Variants in ARL2BP observed in about 807,000 individuals in gnomAD.
ARL2BP encodes the protein ARF like GTPase 2 binding protein.
A neutral mutation model predicts 24.2 loss-of-function variants in ARL2BP; 19 were observed. The ratio of observed to expected loss-of-function variants is 0.79; its 90% CI spans 0.55 to 1.15. ARL2BP has a LOEUF of 1.15. Ranked by LOEUF, ARL2BP falls within the 50% of genes most tolerant of loss-of-function variation. The pLI is 0.00. For missense variants in ARL2BP, 160 were observed against 190.4 expected (o/e 0.84, Z 0.94); for synonymous variants, 56 against 70.5 (o/e 0.79, Z 1.03).
chr16:57,245,269 C>G lies in ARL2BP; in HGVS notation c.-99C>G. The stretch of plus-strand genomic sequence containing the variant: ...CTGACCCGACCTGGCAGTGAGCTGG[C>G]CGCGGCCTTGGCTGAGAGGCCTTAA... On this transcript the variant is annotated 5_prime_UTR_variant, in exon 1 of 6. Coordinates refer to ENST00000219204, the MANE Select transcript of ARL2BP (RefSeq NM_012106.4). The G allele has an allele frequency of 6.9e-7, 1 of 1,440,198 alleles. No individual in the cohort carries two copies. The allele number at this position is 1,440,198 out of a possible 1,614,324, so 89.2% of individuals were successfully genotyped here.
Position 57,250,427 on chromosome 16 carries a change from G to A in ARL2BP, c.310G>A (p.Val104Met). The A allele has an allele frequency of 6.2e-7, 1 of 1,614,194 alleles. No individual in the cohort carries two copies. The highest frequency in any genetic ancestry group is 8.5e-7 in the Non-Finnish European group (1 of 1,180,012). The stretch of plus-strand genomic sequence containing the variant: ...CGTTTGCAGGCACCATAAGGATGAA[G>A]TGGCTGGTGACATATTCGACATGCT... The part of the protein sequence containing the change: ...TTTLQHHKDE[V>M]AGDIFDMLLT... Residue 104 changes from valine (V) to methionine (M), a missense_variant, in exon 5 of 6, where the codon GTG becomes ATG. Val to Met is a conservative substitution (Grantham distance 21). Transcript: ENST00000219204.
rs189864695 is a variant in ARL2BP, at chr16:57,248,671, G to T, written c.207+28G>T. On this transcript the variant is annotated intron_variant, in intron 3 of 5. Coordinates refer to ENST00000219204, the MANE Select transcript of ARL2BP (RefSeq NM_012106.4). ...AAGTAGATTTCTATGTCTCCTACCA[G>T]GAGGTCAGAGTTTTTAAAAATTTAA... The T allele has an allele frequency of 9.6e-5, 130 of 1,357,946 alleles. 1 individual carries two copies. In the East Asian group the frequency reaches 2.6e-3, roughly 27 times the overall value. The allele number at this position is 1,357,946 out of a possible 1,614,324, so 84.1% of individuals were successfully genotyped here.
chr16:57,251,384 G>A (rs554870139), intron 5 of ARL2BP: 1 of 151,638 alleles, frequency 6.6e-6, no homozygotes, highest in Non-Finnish European at 1.5e-5. Context: ...CTGGGTGACA[G>A]AGTCAGACCC....
intron 4 of ARL2BP, chr16:57,250,106 T>C (rs2075402692): frequency 8.4e-6 from 5 of 594,260 alleles, no homozygotes; most frequent in Non-Finnish European, 1.5e-5. Context: ...CCAGCCTGGG[T>C]GACATAGTGA....
At chr16:57,249,930 C>A in intron 4 of ARL2BP, 78 bp downstream of exon 4, 1 of 1,362,554 alleles carries the variant, frequency 7.3e-7, no homozygotes, top group Non-Finnish European at 1.0e-6. Context: ...CCAAAAGACG[C>A]TCCTTGTTTG....
Position 57,252,649 on chromosome 16 carries a change from A to G in ARL2BP, c.*382A>G, listed in dbSNP as rs2075412127. ...CTCTGTTCCAGCAGGCTCTGCATGA[A>G]TCTTTGTGCACTTGCACCTCTTTTT... On this transcript the variant is annotated 3_prime_UTR_variant, in exon 6 of 6. Transcript: ENST00000219204. 2.0e-5 allele frequency: 5 copies of G among 250,284 alleles called. No homozygotes were observed. The South Asian group carries it at 2.5e-4, about 13-fold the overall frequency. 15.5% of individuals were successfully genotyped at this position (250,284 alleles called of 1,614,324 possible). A position where few individuals can be genotyped will look rare whatever the true frequency, so the allele number is the denominator to read the frequency against.
intron 2 of ARL2BP, among the ~76,000 whole-genome samples, chr16:57,246,791 G>C (rs1221482857): frequency 2.0e-5 from 3 of 152,174 alleles, no homozygotes; most frequent in Non-Finnish European, 4.4e-5. Flanking sequence ...GCGACAGAGC[G>C]AGACTCCGTC....
chr16:57,246,599 A>G (rs1009576061), intron 2 of ARL2BP, among the ~76,000 whole-genome samples: 4 of 152,080 alleles, frequency 2.6e-5, no homozygotes, highest in Non-Finnish European at 4.4e-5. Context: ...TCAGGAGATC[A>G]AGACCATCCT....
Position 57,245,268 on chromosome 16 carries a change from G to A in ARL2BP, c.-100G>A, listed in dbSNP as rs1207992482. The A allele has an allele frequency of 7.0e-7, 1 of 1,436,068 alleles. No homozygotes were observed. 89.0% of individuals were successfully genotyped at this position (1,436,068 alleles called of 1,614,324 possible). ...GCTGACCCGACCTGGCAGTGAGCTG[G>A]CCGCGGCCTTGGCTGAGAGGCCTTA... On this transcript the variant is annotated 5_prime_UTR_variant, in exon 1 of 6. Coordinates refer to ENST00000219204, the MANE Select transcript of ARL2BP (RefSeq NM_012106.4).
chr16:57,251,808 TAAAAA>T, intron 5 of ARL2BP: 2 of 181,146 alleles, frequency 1.1e-5, no homozygotes, highest in Admixed American at 1.1e-4. Flanking sequence ...AAAATAAAAA[TAAAAA>T]AGTTAGTCAG....
chr16:57,249,879 G>A, intron 4 of ARL2BP, 27 bp downstream of exon 4: 2 of 1,601,824 alleles, frequency 1.2e-6, no homozygotes, highest in Non-Finnish European at 1.7e-6. Context: ...TGATTTTTGT[G>A]TTTTGTTTTG....
chr16:57,248,472 A>G, intron 2 of ARL2BP, 65 bp from the exon 3 acceptor site: 1 of 970,468 alleles, frequency 1.0e-6, no homozygotes, highest in Non-Finnish European at 1.6e-6. Context: ...GATCCTGCCT[A>G]CTTATAAATC....
At chr16:57,250,630 A>G (rs1190756086) in intron 5 of ARL2BP, 123 bp downstream of exon 5, 6 of 740,146 alleles carry the variant, frequency 8.1e-6, no homozygotes, top group Admixed American at 6.4e-5. Flanking sequence ...CCGATGAGGC[A>G]TCAGAAGAGT....
In ARL2BP at chr16:57,246,143, TA is replaced by T; in HGVS notation, c.100+4del. On this transcript the variant is annotated splice_donor_region_variant and intron_variant, in intron 2 of 5. Transcript: ENST00000219204. Reference sequence around the variant, plus strand: ...GATATTTAGAGGACATTATCATGGGTAAGCTTTTAAGATACTGTTTTTAAGG... The same window carrying T: ...GATATTTAGAGGACATTATCATGGGTAGCTTTTAAGATACTGTTTTTAAGG... 6.2e-7 allele frequency: 1 copy of T among 1,613,156 alleles called. No individual in the cohort carries two copies. The highest frequency in any genetic ancestry group is 2.2e-5 in the East Asian group (1 of 44,878).
chr16:57,250,327 T>C lies in ARL2BP; in HGVS notation c.294-84T>C, dbSNP rs2075403332. On this transcript the variant is annotated intron_variant, in intron 4 of 5. Coordinates refer to ENST00000219204, the MANE Select transcript of ARL2BP (RefSeq NM_012106.4). ...ACAAAAATAATGCGGGGGGTGGGGC[T>C]GGGGTGGTGGAAAGAAAAACGAAAG... 1.3e-5 allele frequency: 16 copies of C among 1,190,826 alleles called. No homozygotes were observed. The South Asian group carries it at 2.0e-4, about 15-fold the overall frequency. 73.8% of individuals were successfully genotyped at this position (1,190,826 alleles called of 1,614,324 possible).
chr16:57,252,246 C>T lies in ARL2BP; in HGVS notation c.471C>T (p.Ser157=). Residue 157 remains serine, a synonymous_variant, in exon 6 of 6, where the codon TCC becomes TCT. Transcript: ENST00000219204. ...SLCKSSSLPA[S]QNNLRH The stretch of plus-strand genomic sequence containing the variant: ...GCAAATCATCTTCTCTGCCAGCTTC[C>T]CAGAACAATCTGCGGCACTAGGTCC... 6.2e-7 allele frequency: 1 copy of T among 1,614,138 alleles called. No individual in the cohort carries two copies. The highest frequency in any genetic ancestry group is 8.5e-7 in the Non-Finnish European group (1 of 1,180,012).
rs556681022 is a variant in ARL2BP, at chr16:57,245,682, A to G, written c.38+277A>G. On this transcript the variant is annotated intron_variant, in intron 1 of 5. Transcript: ENST00000219204. ...CAGCCGCCAACCCTCAGCTGTCAGC[A>G]AAGCCTGGAGGGGTTGAGCGCCCGA... The G allele has an allele frequency of 1.6e-3, 870 of 550,934 alleles. 8 individuals carry two copies. The highest frequency in any genetic ancestry group is 0.015 in the African/African-American group (784 of 52,140). The allele number at this position is 550,934 out of a possible 1,614,324, so 34.1% of individuals were successfully genotyped here.
chr16:57,249,877 GTGTTT>G (rs747795838), intron 4 of ARL2BP, 25 bp downstream of exon 4: 25 of 1,609,786 alleles, frequency 1.6e-5, no homozygotes, highest in South Asian at 3.3e-5. Flanking sequence ...ACTGATTTTT[GTGTTT>G]TGTTTTGTTT....
chr16:57,249,179 A>C (rs1457917197), intron 3 of ARL2BP: 1 of 153,272 alleles, frequency 6.5e-6, no homozygotes, highest in African/African-American at 2.4e-5. Flanking sequence ...ATGACTATTA[A>C]GTAAAAGTGA....
Sources: allele counts gnomAD v4.1 joint callset (sites outside exome capture counted in the v4.1 genomes callset), GRCh38; gene constraint gnomAD v4.1.1; transcripts MANE v1.5; gene names NCBI Gene and HGNC (gene_info 2026-07-23, HGNC 2026-07-21).